The following CNTNAP5 variants were observed in gnomAD, a reference collection of about 807,000 sequenced individuals.
CNTNAP5 encodes contactin-associated protein-like 5.
A neutral mutation model predicts 150.2 loss-of-function variants in CNTNAP5; 72 were observed. That is an observed-to-expected ratio of 0.48 (90% CI 0.40 to 0.58). The LOEUF is 0.58. Ranked by LOEUF, CNTNAP5 falls within the 20% of genes least tolerant of loss-of-function variation. The pLI is 0.00. For synonymous variants in CNTNAP5, 672 were observed against 619.8 expected (o/e 1.08, Z -1.25); for missense variants, 1,636 against 1,626.2 (o/e 1.01, Z -0.10).
chr2:124,431,530 A>T (rs61457582), intron 4 of CNTNAP5, among the ~76,000 whole-genome samples: 16 of 114,380 alleles, frequency 1.4e-4, no homozygotes, highest in Admixed American at 5.6e-4. Flanking sequence ...TATATATATA[A>T]AATTTCTTTA....
At chr2:124,814,903 G>A (rs1350986562) in intron 19 of CNTNAP5, among the ~76,000 whole-genome samples, 8 of 152,058 alleles carry the variant, frequency 5.3e-5, no homozygotes, top group Non-Finnish European at 2.9e-5. Context: ...ACAAAGAGAG[G>A]GGAAAAACGT....
At chr2:124,520,675 A>T (rs145818431) in intron 8 of CNTNAP5, among the ~76,000 whole-genome samples, 3 of 152,170 alleles carry the variant, frequency 2.0e-5, no homozygotes, top group Non-Finnish European at 4.4e-5. Context: ...GGGGGTGCTT[A>T]GTGCCCCATA....
intron 11 of CNTNAP5, among the ~76,000 whole-genome samples, chr2:124,601,353 C>CA (rs1415860638): frequency 6.6e-6 from 1 of 152,278 alleles, no homozygotes; most frequent in East Asian, 1.9e-4. Flanking sequence ...GAGCATTTCT[C>CA]ACAAAATTCT....
intron 13 of CNTNAP5, among the ~76,000 whole-genome samples, chr2:124,743,055 C>T (rs1288907801): frequency 6.6e-6 from 1 of 152,154 alleles, no homozygotes; most frequent in African/African-American, 2.4e-5. Flanking sequence ...ATGCAGGCAG[C>T]TGGGGGATAG....
At chr2:124,165,871 T>C (rs559642145) in intron 1 of CNTNAP5, among the ~76,000 whole-genome samples, 3 of 152,128 alleles carry the variant, frequency 2.0e-5, no homozygotes, top group African/African-American at 7.2e-5. Context: ...TTACAACAAG[T>C]ACATGGAGCG....
chr2:124,806,506 A>G (rs373781022), intron 19 of CNTNAP5, among the ~76,000 whole-genome samples: 12 of 151,766 alleles, frequency 7.9e-5, no homozygotes, highest in African/African-American at 2.9e-4. Flanking sequence ...TAGAGCTGGC[A>G]TTCTGTGGCT....
At chr2:124,354,676 G>GA (rs914082571) in intron 3 of CNTNAP5, among the ~76,000 whole-genome samples, 1 of 152,104 alleles carries the variant, frequency 6.6e-6, no homozygotes, top group African/African-American at 2.4e-5. Context: ...TTTATCTTAT[G>GA]AAACACGTAT....
chr2:124,268,848 T>TG (rs1232783051), intron 3 of CNTNAP5, among the ~76,000 whole-genome samples: 3 of 152,250 alleles, frequency 2.0e-5, no homozygotes, highest in Admixed American at 6.5e-5. Flanking sequence ...TTAGAGCCCT[T>TG]TGGTCAGGAA....
At chr2:124,888,221 A>G (rs987370995) in intron 21 of CNTNAP5, among the ~76,000 whole-genome samples, 72 of 152,262 alleles carry the variant, frequency 4.7e-4, no homozygotes, top group Non-Finnish European at 1.5e-4. Flanking sequence ...TTCCTGTGTT[A>G]ATTCATTCAG....
chr2:124,062,856 G>A (rs1682048238), intron 1 of CNTNAP5, among the ~76,000 whole-genome samples: 1 of 152,032 alleles, frequency 6.6e-6, no homozygotes, highest in Admixed American at 6.6e-5. Flanking sequence ...GACACAAAGG[G>A]TCCTTTTGGC....
chr2:124,510,301 C>CTATATATCTA (rs1553474658), intron 8 of CNTNAP5, among the ~76,000 whole-genome samples: 4,563 of 105,986 alleles, frequency 0.043, 382 homozygotes, highest in Admixed American at 0.11. Flanking sequence ...ATCTATATAT[C>CTATATATCTA]TATATATATA....
chr2:124,148,290 C>A (rs571458610), intron 1 of CNTNAP5, among the ~76,000 whole-genome samples: 3 of 150,312 alleles, frequency 2.0e-5, no homozygotes, highest in African/African-American at 7.3e-5. Flanking sequence ...CAGAGCGAGA[C>A]CCCCTCTAAA....
intron 3 of CNTNAP5, among the ~76,000 whole-genome samples, chr2:124,402,627 C>T (rs116193706): frequency 1.3e-3 from 192 of 152,276 alleles, no homozygotes; most frequent in African/African-American, 4.4e-3. Context: ...CAGTCATTCC[C>T]CTCTTGCCAA....
intron 18 of CNTNAP5, among the ~76,000 whole-genome samples, chr2:124,791,265 C>G (rs952895082): frequency 6.6e-6 from 1 of 152,188 alleles, no homozygotes; most frequent in Admixed American, 6.5e-5. Context: ...GGGGCCTTCT[C>G]CTGAATTAGT....
rs1553447723 is a variant in CNTNAP5, at chr2:124,840,074, G to GC, written c.3218-25232_3218-25231insC. Among the ~76,000 whole-genome samples the GC allele has an allele frequency of 2.3e-3, 354 of 152,190 alleles. 2 individuals are homozygous for GC. Among genetic ancestry groups the GC allele is most frequent in the African/African-American group, 8.1e-3 (337 of 41,556 alleles). On this transcript the variant is annotated intron_variant, in intron 19 of 23. Transcript: ENST00000682447. ...CACTTAATACGTGTAAGGAAGTGAG[G>GC]AGGGGGAATAATAAAGCTTGAGAGG... is the stretch of plus-strand genomic sequence containing the variant.
chr2:124,275,892 A>G (rs1687871726), intron 3 of CNTNAP5, among the ~76,000 whole-genome samples: 1 of 152,224 alleles, frequency 6.6e-6, no homozygotes, highest in African/African-American at 2.4e-5. Context: ...GTACCTGGTC[A>G]TCAGACTTTC....
intron 3 of CNTNAP5, among the ~76,000 whole-genome samples, chr2:124,413,815 G>T (rs576154780): frequency 0.019 from 2,538 of 131,876 alleles, 39 homozygotes; most frequent in Middle Eastern, 0.033. Context: ...GCACCAGCAT[G>T]GCACATGTAT....
At chr2:124,721,110 C>T (rs1241956585) in intron 13 of CNTNAP5, among the ~76,000 whole-genome samples, 4 of 152,152 alleles carry the variant, frequency 2.6e-5, no homozygotes, top group African/African-American at 9.7e-5. Flanking sequence ...GTCCAGCTCC[C>T]TCACTACACT....
At chr2:124,264,391 C>G (rs796790446) in intron 3 of CNTNAP5, among the ~76,000 whole-genome samples, 34,994 of 85,384 alleles carry the variant, frequency 0.41, 4,801 homozygotes, top group Non-Finnish European at 0.5. Context: ...CACACACATA[C>G]ACACACACAC....
Sources: allele counts gnomAD v4.1 joint callset (sites outside exome capture counted in the v4.1 genomes callset), GRCh38; gene constraint gnomAD v4.1.1; transcripts MANE v1.5; gene names NCBI Gene and HGNC (gene_info 2026-07-23, HGNC 2026-07-21).